CFAP54: variants seen among roughly 807,000 people sequenced by gnomAD.
CFAP54 encodes cilia- and flagella-associated protein 54.
In CFAP54, 290 loss-of-function variants were observed where a neutral mutation model predicts 370.4. The ratio of observed to expected loss-of-function variants is 0.78; its 90% CI spans 0.71 to 0.86. The LOEUF (loss-of-function observed/expected upper bound fraction) is 0.86. Ranked by LOEUF, CFAP54 falls within the 40% of genes least tolerant of loss-of-function variation. The pLI, the probability that CFAP54 is intolerant of heterozygous loss-of-function variation, is 0.00. For missense variants in CFAP54, 3,399 were observed against 3,528.7 expected (o/e 0.96, Z 0.93); for synonymous variants, 1,206 against 1,236.5 (o/e 0.98, Z 0.52).
intron 33 of CFAP54, 104 bp from the exon 34 acceptor site, chr12:96,647,771 G>T (rs1299977981): frequency 2.1e-5 from 21 of 982,064 alleles, no homozygotes; most frequent in Non-Finnish European, 2.9e-5. Flanking sequence ...TTTAAAATTT[G>T]GGAGTACTCA....
At chr12:96,500,054 T>A (rs1214297339) in intron 1 of CFAP54, among the ~76,000 whole-genome samples, 1 of 152,194 alleles carries the variant, frequency 6.6e-6, no homozygotes, top group Non-Finnish European at 1.5e-5. Context: ...GCAACCAAGA[T>A]GTCATTCAGC....
In CFAP54 at chr12:96,692,322, G is replaced by A. The variant is rs528805227; in HGVS notation, c.6264+1012G>A. Among the ~76,000 whole-genome samples the A allele has an allele frequency of 2.7e-4, 41 of 152,184 alleles. 1 individual carries two copies. The highest frequency in any genetic ancestry group is 9.4e-4 in the African/African-American group (39 of 41,544). ...GATTCATTTCTGGGTTGAAGAAATA[G>A]TTCTATCCCCTGGGTAACCTTTAGC... On this transcript the variant is annotated intron_variant, in intron 44 of 67. Transcript: ENST00000524981.
At chr12:96,710,008 C>T (rs769813310) in intron 48 of CFAP54, among the ~76,000 whole-genome samples, 1 of 152,162 alleles carries the variant, frequency 6.6e-6, no homozygotes, top group South Asian at 2.1e-4. Flanking sequence ...TGAGCCACTG[C>T]ATGTGGCCAA....
intron 63 of CFAP54, among the ~76,000 whole-genome samples, chr12:96,810,958 T>C (rs1055998068): frequency 6.6e-6 from 1 of 152,128 alleles, no homozygotes; most frequent in Non-Finnish European, 1.5e-5. Flanking sequence ...AGAGAGCCCC[T>C]ACCTGTGCTG....
intron 26 of CFAP54, among the ~76,000 whole-genome samples, chr12:96,613,763 A>G (rs1956385964): frequency 6.6e-6 from 1 of 152,226 alleles, no homozygotes; most frequent in South Asian, 2.1e-4. Context: ...AAACTAGAAA[A>G]TCTAGAAGAA....
chr12:96,833,893 A>G (rs1015244967), intron 66 of CFAP54, among the ~76,000 whole-genome samples: 2 of 152,178 alleles, frequency 1.3e-5, no homozygotes, highest in Non-Finnish European at 1.5e-5. Flanking sequence ...TAAATATTTA[A>G]TATGACAAGA....
intron 14 of CFAP54, among the ~76,000 whole-genome samples, chr12:96,544,433 TC>T (rs1955615651): frequency 8.0e-6 from 1 of 124,592 alleles, no homozygotes; most frequent in Non-Finnish European, 1.9e-5. Flanking sequence ...TCTCTCTCTC[TC>T]TCTCTCTCTG....
intron 64 of CFAP54, among the ~76,000 whole-genome samples, chr12:96,813,446 G>A (rs758613984): frequency 1.2e-4 from 19 of 152,120 alleles, no homozygotes; most frequent in Non-Finnish European, 2.2e-4. Flanking sequence ...GAAAAAATAG[G>A]CCAGAGAAGA....
At chr12:96,632,955 TAG>T (rs1441376721) in intron 32 of CFAP54, among the ~76,000 whole-genome samples, 1 of 152,166 alleles carries the variant, frequency 6.6e-6, no homozygotes, top group Admixed American at 6.5e-5. Context: ...TATCTTTTGT[TAG>T]ATACATCAAG....
At chr12:96,685,464 G>C (rs1021019409) in intron 42 of CFAP54, among the ~76,000 whole-genome samples, 6 of 152,054 alleles carry the variant, frequency 3.9e-5, no homozygotes, top group African/African-American at 1.4e-4. Context: ...AGTGTCACCC[G>C]GGCCCAGGTG....
intron 40 of CFAP54, among the ~76,000 whole-genome samples, chr12:96,684,001 AG>A (rs1239704258): frequency 1.3e-5 from 2 of 152,190 alleles, no homozygotes; most frequent in African/African-American, 4.8e-5. Context: ...CATGTTGACC[AG>A]GCTGGTCTTG....
At chr12:96,594,101 T>G (rs1021647487) in intron 24 of CFAP54, among the ~76,000 whole-genome samples, 190 bp from the exon 25 acceptor site, 1 of 152,192 alleles carries the variant, frequency 6.6e-6, no homozygotes. Context: ...TGAAGTTTAA[T>G]TCTAAGATCG....
In CFAP54 at chr12:96,500,933, A is replaced by G. The variant is rs1159206762; in HGVS notation, c.417A>G (p.Gln139=). The change falls in exon 2 of 68, where the codon CAA becomes CAG. Residue 139 remains glutamine, a synonymous_variant. Coordinates refer to ENST00000524981, the MANE Select transcript of CFAP54 (RefSeq NM_001306084.2). ...TGAAGGTTGGAGATAGCCTTTGTCA[A>G]ATGAAAGTAAGTGCCTCTGCAGGAA... ...KLLKVGDSLC[Q]MKEYKLALLQ... is the part of the protein sequence containing the mutation. 3 of 1,531,686 alleles carry G rather than the reference A, an allele frequency of 2.0e-6. No individual in the cohort carries two copies. Among genetic ancestry groups the G allele is most frequent in the Non-Finnish European group, 2.6e-6 (3 of 1,143,408 alleles). The allele number at this position is 1,531,686 out of a possible 1,614,324, so 94.9% of individuals were successfully genotyped here.
At chr12:96,828,100 C>A (rs933324472) in intron 65 of CFAP54, among the ~76,000 whole-genome samples, 1 of 135,520 alleles carries the variant, frequency 7.4e-6, no homozygotes, top group African/African-American at 2.8e-5. Flanking sequence ...ATCAGAAAAG[C>A]AAATTTTTGC....
chr12:96,506,975 C>T lies in CFAP54; in HGVS notation c.615C>T (p.Cys205=), dbSNP rs1008597341. Residue 205 remains cysteine, a synonymous_variant, in exon 4 of 68, where the codon TGC becomes TGT. Transcript: ENST00000524981. ...ATATGTGCAACTACCAGCTGGTCTG[C>T]GACAGTGATGAAAACCTGAAGAATA... ...GKNMCNYQLV[C]DSDENLKNKE... 2.0e-5 allele frequency: 31 copies of T among 1,535,318 alleles called. No homozygotes were observed. The highest frequency in any genetic ancestry group is 3.6e-5 in the South Asian group (3 of 83,904).
intron 63 of CFAP54, among the ~76,000 whole-genome samples, chr12:96,797,438 A>G (rs1958776586): frequency 6.6e-6 from 1 of 152,010 alleles, no homozygotes; most frequent in Non-Finnish European, 1.5e-5. Flanking sequence ...TAAATCTTTC[A>G]CTATGATTGT....
At chr12:96,495,471 C>T (rs964032713) in intron 1 of CFAP54, among the ~76,000 whole-genome samples, 5 of 145,810 alleles carry the variant, frequency 3.4e-5, no homozygotes, top group East Asian at 4.2e-4. Context: ...CATGTCACCA[C>T]GCCCGGCTAA....
At chr12:96,653,714 T>C (rs1190136339) in intron 36 of CFAP54, among the ~76,000 whole-genome samples, 1 of 150,914 alleles carries the variant, frequency 6.6e-6, no homozygotes, top group Non-Finnish European at 1.5e-5. Context: ...AAGAGCAAAT[T>C]AAATCTAAAC....
At chr12:96,515,686 C>T (rs1385283578) in intron 5 of CFAP54, among the ~76,000 whole-genome samples, 16 of 151,964 alleles carry the variant, frequency 1.1e-4, no homozygotes, top group Admixed American at 1.0e-3. Context: ...GTCTAAACTC[C>T]CGTTTTTATA....
Sources: gnomAD v4.1 joint callset for allele counts (sites outside exome capture counted in the v4.1 genomes callset) on GRCh38, gnomAD v4.1.1 for gene constraint, MANE v1.5 for transcripts, NCBI Gene and HGNC (gene_info 2026-07-23, HGNC 2026-07-21) for gene names.